The following UNC5D variants were observed in gnomAD, a reference collection of about 807,000 sequenced individuals.
The protein encoded by UNC5D is netrin receptor UNC5D.
A neutral mutation model predicts 105.4 loss-of-function variants in UNC5D; 39 were observed. The ratio of observed to expected loss-of-function variants is 0.37; its 90% CI spans 0.29 to 0.48. UNC5D has a LOEUF of 0.48. Among genes scored for constraint, UNC5D ranks in the 20% least tolerant of loss-of-function variants. UNC5D has a pLI of 0.98. For missense variants in UNC5D, 991 were observed against 1,202.4 expected, an observed-to-expected ratio of 0.82 and a Z score of 2.60; for synonymous variants, 452 against 450.4, an observed-to-expected ratio of 1.00 and a Z score of -0.04.
intron 8 of UNC5D, among the ~76,000 whole-genome samples, chr8:35,709,326 A>G (rs944015733): frequency 6.6e-6 from 1 of 152,196 alleles, no homozygotes; most frequent in South Asian, 2.1e-4. Flanking sequence ...GAAGCAGAGC[A>G]GGGTGGGGGG....
intron 1 of UNC5D, among the ~76,000 whole-genome samples, chr8:35,494,609 A>G (rs1205686165): frequency 6.6e-6 from 1 of 152,206 alleles, no homozygotes; most frequent in Non-Finnish European, 1.5e-5. Context: ...CCATTCAACT[A>G]CTTGCTATTC....
intron 13 of UNC5D, among the ~76,000 whole-genome samples, chr8:35,755,998 T>C (rs576086550): frequency 6.6e-6 from 1 of 152,230 alleles, no homozygotes; most frequent in African/African-American, 2.4e-5. Context: ...CCCCCCAGAG[T>C]AATACAGTAG....
intron 3 of UNC5D, among the ~76,000 whole-genome samples, chr8:35,576,985 C>T (rs1818138885): frequency 6.6e-6 from 1 of 152,172 alleles, no homozygotes; most frequent in Non-Finnish European, 1.5e-5. Context: ...AAAGAATTCC[C>T]TTAAGCCCTT....
intron 1 of UNC5D, among the ~76,000 whole-genome samples, chr8:35,490,778 A>G (rs1300950809): frequency 6.6e-6 from 1 of 152,178 alleles, no homozygotes; most frequent in Admixed American, 6.5e-5. Context: ...GTCAGAAGCT[A>G]CTAGAGGGTT....
intron 1 of UNC5D, among the ~76,000 whole-genome samples, chr8:35,248,782 TAAAATATAATATATA>T (rs1429691827): frequency 5.1e-5 from 5 of 98,578 alleles, no homozygotes; most frequent in East Asian, 3.3e-4. Flanking sequence ...TATAAATATA[TAAAATATAATATATA>T]AAAATATAAT....
At chr8:35,468,288 A>AT (rs1404618956) in intron 1 of UNC5D, among the ~76,000 whole-genome samples, 1 of 152,192 alleles carries the variant, frequency 6.6e-6, no homozygotes, top group African/African-American at 2.4e-5. Context: ...GACAGAGATC[A>AT]CTAGCTCTCT....
intron 1 of UNC5D, among the ~76,000 whole-genome samples, chr8:35,320,988 A>G (rs906951157): frequency 6.6e-6 from 1 of 152,088 alleles, no homozygotes; most frequent in Non-Finnish European, 1.5e-5. Context: ...TTCTTCAAAA[A>G]CTTGGGTATC....
At chr8:35,732,467 T>G (rs1200969134) in intron 11 of UNC5D, among the ~76,000 whole-genome samples, 1 of 152,116 alleles carries the variant, frequency 6.6e-6, no homozygotes, top group African/African-American at 2.4e-5. Flanking sequence ...AAAAAGAGGC[T>G]CAGAAGGTTT....
chr8:35,405,368 T>C (rs574789218), intron 1 of UNC5D, among the ~76,000 whole-genome samples: 1 of 152,290 alleles, frequency 6.6e-6, no homozygotes, highest in African/African-American at 2.4e-5. Context: ...TTTCTGAAAT[T>C]CCATAGACTG....
At chr8:35,430,439 G>T (rs981302844) in intron 1 of UNC5D, among the ~76,000 whole-genome samples, 2 of 152,102 alleles carry the variant, frequency 1.3e-5, no homozygotes, top group Non-Finnish European at 2.9e-5. Flanking sequence ...AAGTGTTTCT[G>T]TGAGTTCTGT....
intron 1 of UNC5D, among the ~76,000 whole-genome samples, chr8:35,249,594 ATAAT>A: frequency 9.7e-6 from 1 of 103,372 alleles, no homozygotes; most frequent in Non-Finnish European, 2.1e-5. Flanking sequence ...AATAATAATA[ATAAT>A]AATAAAATAA....
intron 2 of UNC5D, among the ~76,000 whole-genome samples, chr8:35,565,061 A>G (rs541685033): frequency 7.2e-5 from 11 of 152,352 alleles, no homozygotes; most frequent in African/African-American, 2.6e-4. Flanking sequence ...ATACAAATTC[A>G]GGTATCTTCT....
At chr8:35,325,699 G>T (rs1028391964) in intron 1 of UNC5D, among the ~76,000 whole-genome samples, 1 of 152,170 alleles carries the variant, frequency 6.6e-6, no homozygotes, top group Non-Finnish European at 1.5e-5. Flanking sequence ...TTGCTTTAAG[G>T]AATTTGAAAT....
At chr8:35,652,733 A>C (rs1823499200) in intron 4 of UNC5D, among the ~76,000 whole-genome samples, 1 of 151,642 alleles carries the variant, frequency 6.6e-6, no homozygotes, top group Non-Finnish European at 1.5e-5. Flanking sequence ...TGTTGAGTAC[A>C]TGTTATCATC....
chr8:35,593,179 A>G (rs1819285353), intron 3 of UNC5D, among the ~76,000 whole-genome samples: 1 of 152,122 alleles, frequency 6.6e-6, no homozygotes, highest in Non-Finnish European at 1.5e-5. Flanking sequence ...AAAAAAAATG[A>G]CATTTCTCCA....
In UNC5D at chr8:35,718,620, G is replaced by A. The variant is rs575430835; in HGVS notation, c.1118-3590G>A. ...AGGGAAAACAAAGCAACTCACTGGC[G>A]TTTGAAAATTAACAATAAAAAACAC... On this transcript the variant is annotated intron_variant, in intron 8 of 16. Coordinates refer to ENST00000404895, the MANE Select transcript of UNC5D (RefSeq NM_080872.4). Among the ~76,000 whole-genome samples, 12 of 152,288 alleles carry A rather than the reference G, an allele frequency of 7.9e-5. No homozygotes were observed. The South Asian group carries it at 8.3e-4, about 11-fold the overall frequency.
At chr8:35,465,603 TTA>T (rs1424762860) in intron 1 of UNC5D, among the ~76,000 whole-genome samples, 2 of 152,234 alleles carry the variant, frequency 1.3e-5, no homozygotes, top group Non-Finnish European at 1.5e-5. Context: ...CTTTGTTTCT[TTA>T]TGTGAAACTC....
At chr8:35,586,110 C>G (rs1192241162) in intron 3 of UNC5D, among the ~76,000 whole-genome samples, 3 of 151,880 alleles carry the variant, frequency 2.0e-5, no homozygotes, top group Non-Finnish European at 2.9e-5. Context: ...CCCGTTTCTA[C>G]TAAAAATACA....
chr8:35,431,642 CT>C (rs1806643478), intron 1 of UNC5D, among the ~76,000 whole-genome samples: 1 of 152,034 alleles, frequency 6.6e-6, no homozygotes, highest in South Asian at 2.1e-4. Flanking sequence ...CACCTGAACA[CT>C]TATTTTATTT....
Sources: allele counts gnomAD v4.1 joint callset (sites outside exome capture counted in the v4.1 genomes callset), GRCh38; gene constraint gnomAD v4.1.1; transcripts MANE v1.5; gene names NCBI Gene and HGNC (gene_info 2026-07-23, HGNC 2026-07-21).